The following CES1 variants were observed in gnomAD, a reference collection of about 807,000 sequenced individuals.
CES1 encodes the protein liver carboxylesterase 1.
In CES1, 50 loss-of-function variants were observed where a neutral mutation model predicts 53.0. That is an observed-to-expected ratio of 0.94 (90% CI 0.75 to 1.19). The LOEUF (loss-of-function observed/expected upper bound fraction) is 1.19, where lower values mean the gene tolerates loss of function less well. CES1 is among the 50% of genes most tolerant of loss of function. The pLI, the probability that CES1 is intolerant of heterozygous loss-of-function variation, is 0.00. For synonymous variants in CES1, 202 were observed against 210.1 expected (o/e 0.96, Z 0.33); for missense variants, 534 against 538.0 (o/e 0.99, Z 0.07).
intron 6 of CES1, 96 bp from the exon 7 acceptor site, chr16:55,819,735 T>A: frequency 9.6e-7 from 1 of 1,045,250 alleles, no homozygotes; most frequent in African/African-American, 1.6e-5. Context: ...CAACTTGTAC[T>A]AGTGGCAGGG....
At chr16:55,810,765 T>G (rs1443309990) in intron 10 of CES1, 101 bp from the exon 11 acceptor site, 5 of 1,488,930 alleles carry the variant, frequency 3.4e-6, no homozygotes, top group East Asian at 2.2e-5. Context: ...ATAAGCCCTG[T>G]GCAACTCCCC....
chr16:55,810,684 G>C lies in CES1; in HGVS notation c.1171-20C>G, dbSNP rs764427228. 1 of 1,613,936 alleles carries C rather than the reference G, an allele frequency of 6.2e-7. No homozygotes were observed. Among genetic ancestry groups the C allele is most frequent in the Admixed American group, 1.7e-5 (1 of 60,028 alleles). ...AATGCACTGAAATAGATCAAAAAGT[G>C]ACCACCAGCCCCGGGTGAGCGATGC... is the stretch of plus-strand genomic sequence containing the variant. On this transcript the variant is annotated intron_variant, in intron 10 of 13. Transcript: ENST00000360526.
chr16:55,814,522 T>C (rs771981793), intron 8 of CES1, among the ~76,000 whole-genome samples: 46 of 152,326 alleles, frequency 3.0e-4, no homozygotes, highest in Admixed American at 1.1e-3. Flanking sequence ...AGGTGAGTTA[T>C]TGTGAGGATT....
At chr16:55,812,487 G>A (rs2031741752) in intron 9 of CES1, 1 of 290,002 alleles carries the variant, frequency 3.4e-6, no homozygotes, top group Admixed American at 4.5e-5. Context: ...TTTCAATGAG[G>A]TGATGAAGAG....
At chr16:55,832,846 G>A (rs1362719092) in intron 1 of CES1, among the ~76,000 whole-genome samples, 158 bp downstream of exon 1, 1 of 152,230 alleles carries the variant, frequency 6.6e-6, no homozygotes, top group Non-Finnish European at 1.5e-5. Context: ...CAGGCTGGCC[G>A]GGCTCAGCTG....
chr16:55,824,683 A>T (rs1336967777), intron 3 of CES1, among the ~76,000 whole-genome samples: 1 of 152,210 alleles, frequency 6.6e-6, no homozygotes, highest in Non-Finnish European at 1.5e-5. Context: ...CAGTGAGTCC[A>T]CTGTTAGGGC....
intron 7 of CES1, among the ~76,000 whole-genome samples, 158 bp from the exon 8 acceptor site, chr16:55,817,120 T>TATTA (rs1440040790): frequency 6.6e-6 from 1 of 152,162 alleles, no homozygotes; most frequent in Admixed American, 6.5e-5. Flanking sequence ...TGAACATGAA[T>TATTA]ATTAGTTCAG....
chr16:55,810,756 T>C lies in CES1; in HGVS notation c.1171-92A>G. 7 of 1,525,986 alleles carry C rather than the reference T, an allele frequency of 4.6e-6. No individual in the cohort carries two copies. The South Asian group carries it at 5.6e-5, about 12-fold the overall frequency. 94.5% of individuals were successfully genotyped at this position (1,525,986 alleles called of 1,614,324 possible). On this transcript the variant is annotated intron_variant, in intron 10 of 13. Coordinates refer to ENST00000360526, the MANE Select transcript of CES1 (RefSeq NM_001025195.2). Reference sequence around the variant, plus strand: ...AGTCCTGCCTCAATGGTGAACCCCATAAGCCCTGTGCAACTCCCCGCTAGG... The same window carrying C: ...AGTCCTGCCTCAATGGTGAACCCCACAAGCCCTGTGCAACTCCCCGCTAGG...
Position 55,821,516 on chromosome 16 carries a change from C to A in CES1, c.545G>T (p.Gly182Val). The A allele has an allele frequency of 6.2e-7, 1 of 1,614,144 alleles. No homozygotes were observed. The highest frequency in any genetic ancestry group is 8.5e-7 in the Non-Finnish European group (1 of 1,180,022). ...RLGIWGFFST[G>V]DEHSRGNWGH... is the part of the protein sequence containing the mutation. ...CCAGTTCCCCCGGCTGTGTTCATCC[C>A]CTGTGCTGTGAGGAAGAGAACAGGT... The change falls in exon 5 of 14, where the codon GGG (glycine) becomes GTG (valine). Residue 182 changes from glycine (G) to valine (V), a missense_variant. Coordinates refer to ENST00000360526, the MANE Select transcript of CES1 (RefSeq NM_001025195.2).
At chr16:55,823,322 G>T (rs569430831) in intron 4 of CES1, among the ~76,000 whole-genome samples, 1 of 152,200 alleles carries the variant, frequency 6.6e-6, no homozygotes, top group African/African-American at 2.4e-5. Context: ...GGTGTTCTTC[G>T]GATAGAATAA....
intron 8 of CES1, among the ~76,000 whole-genome samples, chr16:55,813,385 T>C (rs1326548529): frequency 6.6e-6 from 1 of 152,186 alleles, no homozygotes; most frequent in African/African-American, 2.4e-5. Flanking sequence ...GTCCTGGCAG[T>C]TGCTTCTGAT....
At chr16:55,815,651 C>T (rs529087951) in intron 8 of CES1, among the ~76,000 whole-genome samples, 3 of 152,258 alleles carry the variant, frequency 2.0e-5, no homozygotes, top group African/African-American at 7.2e-5. Context: ...TCAAAGATAT[C>T]CAGACTCCAA....
In CES1 at chr16:55,810,830, C is replaced by T. The variant is rs533170951; in HGVS notation, c.1170+97G>A. The T allele has an allele frequency of 8.6e-5, 121 of 1,406,130 alleles. No homozygotes were observed. The African/African-American group carries it at 1.6e-3, about 18-fold the overall frequency. The allele number at this position is 1,406,130 out of a possible 1,614,324, so 87.1% of individuals were successfully genotyped here. On this transcript the variant is annotated intron_variant, in intron 10 of 13. Transcript: ENST00000360526. ...GGAAAGATGGGGGAAACCCTGAGGC[C>T]CCAGTCTTCATTCTGCCATTTAATT...
intron 2 of CES1, chr16:55,828,018 A>C (rs771519732): frequency 6.6e-6 from 1 of 152,648 alleles, no homozygotes; most frequent in Non-Finnish European, 1.5e-5. Flanking sequence ...GCACTCAGAA[A>C]ATAAAAACAG....
At chr16:55,831,073 G>A (rs2032648807) in intron 1 of CES1, among the ~76,000 whole-genome samples, 1 of 152,176 alleles carries the variant, frequency 6.6e-6, no homozygotes, top group South Asian at 2.1e-4. Flanking sequence ...GAGGGAGCAG[G>A]GCAGAATCTT....
At chr16:55,827,014 G>T (rs2032443776) in intron 2 of CES1, among the ~76,000 whole-genome samples, 1 of 152,124 alleles carries the variant, frequency 6.6e-6, no homozygotes, top group Non-Finnish European at 1.5e-5. Flanking sequence ...GCCTAGGCAG[G>T]TTAGAGAACC....
chr16:55,812,260 G>A (rs2031733041), intron 9 of CES1: 1 of 153,024 alleles, frequency 6.5e-6, no homozygotes, highest in Non-Finnish European at 1.5e-5. Context: ...TTTATTTTAG[G>A]TTTGGGGGTA....
Position 55,813,034 on chromosome 16 carries a change from G to A in CES1, c.955C>T (p.Leu319Phe), listed in dbSNP as rs748333060. 6.2e-7 allele frequency: 1 copy of A among 1,613,116 alleles called. No individual in the cohort carries two copies. Among genetic ancestry groups the A allele is most frequent in the Non-Finnish European group, 8.5e-7 (1 of 1,179,596 alleles). The change falls in exon 9 of 14, where the codon CTT (leucine) becomes TTT (phenylalanine). Residue 319 changes from leucine (L) to phenylalanine (F), a missense_variant. Leu to Phe is a conservative substitution (Grantham distance 22). Transcript: ENST00000360526. ...ATCCCATCAATCACAGTGCCCAGAA[G>A]GGGTTGACTCTGGGGAGAGAGCAGT... ...LQGDPRESQPLLGTVIDGMLL... is the reference protein window; with the variant it reads ...LQGDPRESQPFLGTVIDGMLL...
At chr16:55,815,938 G>C (rs2031923081) in intron 8 of CES1, among the ~76,000 whole-genome samples, 2 of 152,290 alleles carry the variant, frequency 1.3e-5, no homozygotes, top group South Asian at 4.1e-4. Flanking sequence ...TTAGCCTCAA[G>C]CCAGTCTGTC....
Sources: gnomAD v4.1 joint callset for allele counts (sites outside exome capture counted in the v4.1 genomes callset) on GRCh38, gnomAD v4.1.1 for gene constraint, MANE v1.5 for transcripts, NCBI Gene and HGNC (gene_info 2026-07-23, HGNC 2026-07-21) for gene names.